MTUS2: variants seen among roughly 807,000 people sequenced by gnomAD.
MTUS2 encodes the protein microtubule associated scaffold protein 2.
A neutral mutation model predicts 114.1 loss-of-function variants in MTUS2; 40 were observed. The observed-to-expected ratio is 0.35, with a 90% CI of 0.27 to 0.46. MTUS2 has a LOEUF of 0.46. Ranked by LOEUF, MTUS2 falls within the 20% of genes least tolerant of loss-of-function variation. The probability of loss-of-function intolerance (pLI) is 1.00; values close to 1 mark genes in which losing one functional copy is unlikely to be tolerated. For missense variants in MTUS2, 1,679 were observed against 1,705.4 expected (o/e 0.98, Z 0.27); for synonymous variants, 688 against 672.0 (o/e 1.02, Z -0.37).
At chr13:29,046,737 G>A in intron 4 of MTUS2, among the ~76,000 whole-genome samples, 1 of 21,046 alleles carries the variant, frequency 4.8e-5, no homozygotes, top group South Asian at 3.2e-3. Flanking sequence ...ACCTCCTTTT[G>A]TCCTTTTTCC....
intron 6 of MTUS2, among the ~76,000 whole-genome samples, chr13:29,323,134 T>A (rs1180156100): frequency 6.6e-6 from 1 of 152,228 alleles, no homozygotes; most frequent in African/African-American, 2.4e-5. Context: ...TCCTGGTCTG[T>A]GTGTACAAAG....
chr13:28,860,041 AG>A (rs998504229), intron 2 of MTUS2, among the ~76,000 whole-genome samples: 23 of 152,286 alleles, frequency 1.5e-4, no homozygotes, highest in African/African-American at 5.5e-4. Flanking sequence ...AGTTAGACAA[AG>A]TGGTAGATAA....
At position 29,480,370 on chromosome 13, in the gene MTUS2, T is replaced by A; in HGVS notation, c.3399+6T>A. 6.6e-7 allele frequency: 1 copy of A among 1,514,500 alleles called. No individual in the cohort carries two copies. Among genetic ancestry groups the A allele is most frequent in the South Asian group, 1.3e-5 (1 of 78,012 alleles). The allele number at this position is 1,514,500 out of a possible 1,614,324, so 93.8% of individuals were successfully genotyped here. A position where few individuals can be genotyped will look rare whatever the true frequency, so the allele number is the denominator to read the frequency against. On this transcript the variant is annotated splice_donor_region_variant and intron_variant, in intron 10 of 15. Coordinates refer to ENST00000612955, the MANE Select transcript of MTUS2 (RefSeq NM_001033602.4). The surrounding 1 kb of genome is among the most constrained non-coding windows in gnomAD (Gnocchi z 4.4). ...GGTGTCAACACCAGGAGCAGGTCAG[T>A]CTGCAGTGCGGCTCGAGCTCTGCTG...
At chr13:29,382,617 A>G (rs1872301625) in intron 8 of MTUS2, among the ~76,000 whole-genome samples, 1 of 152,222 alleles carries the variant, frequency 6.6e-6, no homozygotes, top group Non-Finnish European at 1.5e-5. Context: ...GGTGTTAAGT[A>G]GGCCAAATAA....
chr13:29,189,019 C>T (rs1006502748), intron 5 of MTUS2, among the ~76,000 whole-genome samples: 5 of 152,186 alleles, frequency 3.3e-5, no homozygotes, highest in African/African-American at 4.8e-5. Context: ...GAATGGGAAG[C>T]ACCAGTGACT....
chr13:29,382,498 A>G (rs1460839333), intron 8 of MTUS2, among the ~76,000 whole-genome samples: 3 of 152,166 alleles, frequency 2.0e-5, no homozygotes, highest in African/African-American at 7.2e-5. Context: ...AAAGGTAGCT[A>G]CAAAGGATGA....
At chr13:28,859,667 C>T (rs985914666) in intron 2 of MTUS2, among the ~76,000 whole-genome samples, 9 of 152,102 alleles carry the variant, frequency 5.9e-5, no homozygotes, top group African/African-American at 2.2e-4. Context: ...ACATATTTAA[C>T]TTATGCAGGA....
chr13:29,039,748 C>G (rs949220186), intron 4 of MTUS2, among the ~76,000 whole-genome samples: 8 of 152,196 alleles, frequency 5.3e-5, no homozygotes, highest in African/African-American at 1.4e-4. Context: ...ATCATTTACT[C>G]ATATCAGTAA....
intron 9 of MTUS2, among the ~76,000 whole-genome samples, chr13:29,452,983 T>C (rs1269913376): frequency 6.6e-6 from 1 of 152,180 alleles, no homozygotes; most frequent in Non-Finnish European, 1.5e-5. Context: ...CAGTAGTAGA[T>C]AGGCAAGGGA....
intron 8 of MTUS2, among the ~76,000 whole-genome samples, chr13:29,436,739 G>A (rs1028287420): frequency 6.6e-6 from 1 of 151,360 alleles, no homozygotes; most frequent in Admixed American, 6.6e-5. Context: ...GATGGTACAA[G>A]GTCTCTAATC....
intron 7 of MTUS2, among the ~76,000 whole-genome samples, chr13:29,335,563 C>T (rs144495907): frequency 1.3e-3 from 202 of 152,266 alleles, no homozygotes; most frequent in Admixed American, 3.0e-3. Context: ...GCTGGTTTTG[C>T]GGCTTGGGGG....
At chr13:28,974,339 C>T (rs1405291423) in intron 2 of MTUS2, among the ~76,000 whole-genome samples, 1 of 152,120 alleles carries the variant, frequency 6.6e-6, no homozygotes, top group Non-Finnish European at 1.5e-5. Context: ...AATACTGAGC[C>T]ACGTTTTTAA....
At chr13:29,230,739 A>G (rs1896291329) in intron 5 of MTUS2, among the ~76,000 whole-genome samples, 1 of 152,216 alleles carries the variant, frequency 6.6e-6, no homozygotes, top group African/African-American at 2.4e-5. Context: ...ACTAGAGTGC[A>G]GGCCTTTATT....
intron 8 of MTUS2, among the ~76,000 whole-genome samples, chr13:29,416,929 G>A (rs112750605): frequency 0.016 from 2,453 of 152,172 alleles, 24 homozygotes; most frequent in Non-Finnish European, 0.024. Flanking sequence ...AGTACCCAGT[G>A]GGCCCTTTCA....
intron 2 of MTUS2, among the ~76,000 whole-genome samples, chr13:28,855,723 C>T (rs1024601314): frequency 6.6e-6 from 1 of 152,054 alleles, no homozygotes; most frequent in South Asian, 2.1e-4. Context: ...TGAATAGTCC[C>T]GTACTGAACA....
At chr13:29,315,310 A>G (rs1381880899) in intron 6 of MTUS2, among the ~76,000 whole-genome samples, 1 of 152,180 alleles carries the variant, frequency 6.6e-6, no homozygotes, top group Non-Finnish European at 1.5e-5. Context: ...TAGCTAGAAG[A>G]GAGGATCTGG....
chr13:29,248,027 A>G (rs1896988666), intron 5 of MTUS2, among the ~76,000 whole-genome samples: 1 of 152,280 alleles, frequency 6.6e-6, no homozygotes, highest in Non-Finnish European at 1.5e-5. Context: ...CAAGTGAATA[A>G]GCAGAATGTG....
intron 2 of MTUS2, among the ~76,000 whole-genome samples, chr13:29,019,895 A>C (rs944006837): frequency 6.6e-6 from 1 of 152,352 alleles, no homozygotes; most frequent in African/African-American, 2.4e-5. Flanking sequence ...AGCTAATCCC[A>C]CAGTTGGGAG....
At chr13:29,117,164 A>G (rs1891123846) in intron 5 of MTUS2, among the ~76,000 whole-genome samples, 2 of 152,176 alleles carry the variant, frequency 1.3e-5, no homozygotes, top group South Asian at 4.1e-4. Context: ...TGAGCAAAGA[A>G]TGAGCTATTT....
Sources: allele counts gnomAD v4.1 joint callset (sites outside exome capture counted in the v4.1 genomes callset), GRCh38; gene constraint gnomAD v4.1.1; non-coding constraint Gnocchi (gnomAD v3.1); transcripts MANE v1.5; gene names NCBI Gene and HGNC (gene_info 2026-07-23, HGNC 2026-07-21).